CMSS1: variants seen among roughly 807,000 people sequenced by gnomAD.
CMSS1 encodes cms1 ribosomal small subunit homolog, also known as protein CMSS1.
A neutral mutation model predicts 43.5 loss-of-function variants in CMSS1; 33 were observed. That is an observed-to-expected ratio of 0.76 (90% CI 0.57 to 1.01). CMSS1 has a LOEUF of 1.01. Ranked by LOEUF, CMSS1 falls within the 50% of genes least tolerant of loss-of-function variation. CMSS1 has a pLI of 0.00. For missense variants in CMSS1, 313 were observed against 326.4 expected (o/e 0.96, Z 0.32); for synonymous variants, 115 against 117.2 (o/e 0.98, Z 0.12).
chr3:100,117,482 G>A (rs1245254337), intron 1 of CMSS1, among the ~76,000 whole-genome samples: 1 of 151,956 alleles, frequency 6.6e-6, no homozygotes, highest in Non-Finnish European at 1.5e-5. Context: ...CATCATGGTG[G>A]CATCCAGAAG....
chr3:99,942,828 CA>C (rs55862003), intron 1 of CMSS1, among the ~76,000 whole-genome samples: 1,749 of 126,088 alleles, frequency 0.014, 18 homozygotes, highest in African/African-American at 0.031. Flanking sequence ...GACTCTGTCT[CA>C]AAAAAAAAAA....
At chr3:99,964,938 G>C (rs1272565951) in intron 1 of CMSS1, among the ~76,000 whole-genome samples, 1 of 152,144 alleles carries the variant, frequency 6.6e-6, no homozygotes, top group African/African-American at 2.4e-5. Flanking sequence ...TTAAGACTCT[G>C]TATAAAAATT....
At chr3:99,942,434 A>G (rs954107438) in intron 1 of CMSS1, among the ~76,000 whole-genome samples, 4 of 152,242 alleles carry the variant, frequency 2.6e-5, no homozygotes, top group Non-Finnish European at 4.4e-5. Context: ...TAAAGAGAAC[A>G]TGGGTTTTAT....
chr3:99,922,530 A>G (rs942166398), intron 1 of CMSS1, among the ~76,000 whole-genome samples: 5 of 152,218 alleles, frequency 3.3e-5, no homozygotes, highest in Non-Finnish European at 7.3e-5. Context: ...AAAAATGCCT[A>G]CCATAAAGTA....
intron 1 of CMSS1, among the ~76,000 whole-genome samples, chr3:99,945,605 T>C (rs1707985903): frequency 6.6e-6 from 1 of 152,238 alleles, no homozygotes; most frequent in South Asian, 2.1e-4. Context: ...GCAATGATTA[T>C]GAAGCATTTA....
intron 1 of CMSS1, among the ~76,000 whole-genome samples, chr3:100,101,398 T>C (rs1331445798): frequency 6.6e-6 from 1 of 152,118 alleles, no homozygotes; most frequent in Non-Finnish European, 1.5e-5. Flanking sequence ...AGTCCAGCTT[T>C]GCAGGCAGGT....
intron 1 of CMSS1, chr3:99,849,150 T>A: frequency 1.2e-6 from 2 of 1,614,180 alleles, no homozygotes; most frequent in South Asian, 1.1e-5. Context: ...ACAGCACAGA[T>A]CCCTCATCAT....
intron 1 of CMSS1, among the ~76,000 whole-genome samples, chr3:99,873,910 G>A (rs1192272680): frequency 1.3e-5 from 2 of 152,134 alleles, no homozygotes; most frequent in African/African-American, 4.8e-5. Flanking sequence ...AAATTATTAT[G>A]TGCTTTATTT....
intron 1 of CMSS1, among the ~76,000 whole-genome samples, chr3:99,943,565 G>C (rs1303399816): frequency 6.6e-6 from 1 of 152,024 alleles, no homozygotes; most frequent in Non-Finnish European, 1.5e-5. Context: ...TTAGCCGGGC[G>C]TGGTGGCATG....
chr3:99,968,429 GA>G (rs1201793323), intron 1 of CMSS1, among the ~76,000 whole-genome samples: 52 of 148,586 alleles, frequency 3.5e-4, no homozygotes, highest in East Asian at 5.9e-4. Flanking sequence ...GTTTTTGGGG[GA>G]AAAAAAAAAA....
At chr3:99,886,831 A>G (rs1047202400) in intron 1 of CMSS1, among the ~76,000 whole-genome samples, 3 of 152,094 alleles carry the variant, frequency 2.0e-5, no homozygotes, top group Admixed American at 1.3e-4. Flanking sequence ...TTAGCCAGGC[A>G]TGGTGGTGGA....
chr3:100,126,875 A>G (rs1012487416), intron 1 of CMSS1, among the ~76,000 whole-genome samples: 25 of 151,960 alleles, frequency 1.6e-4, no homozygotes, highest in African/African-American at 6.0e-4. Flanking sequence ...GCGGGCGCCT[A>G]TAGTCCCAGC....
rs200706574 is a variant in CMSS1 at position 100,166,419 on chromosome 3, A to G, written c.415+25A>G. The G allele has an allele frequency of 2.4e-5, 34 of 1,409,424 alleles. No individual in the cohort carries two copies. In the East Asian group the frequency reaches 6.8e-4, roughly 28 times the overall value. 87.3% of individuals were successfully genotyped at this position (1,409,424 alleles called of 1,614,324 possible). ...AGTAAGTAAACTCTGATTTTAATCT[A>G]TTTAAACTCATTCTTATTTTGCTCT... On this transcript the variant is annotated intron_variant, in intron 5 of 9. Transcript: ENST00000421999.
intron 1 of CMSS1, among the ~76,000 whole-genome samples, chr3:100,047,571 A>G (rs2065297445): frequency 6.6e-6 from 1 of 152,244 alleles, no homozygotes; most frequent in African/African-American, 2.4e-5. Flanking sequence ...CACTGGTATT[A>G]CCACATGTAA....
Position 100,157,867 on chromosome 3 carries a change from A to G in CMSS1, c.154-2563A>G, listed in dbSNP as rs538004620. Among the ~76,000 whole-genome samples, 3 of 152,250 alleles carry G rather than the reference A, an allele frequency of 2.0e-5. No individual in the cohort carries two copies. In the South Asian group the frequency reaches 6.2e-4, roughly 32 times the overall value. ...TCATTCTAAATATAAACTTTCAGCC[A>G]ATCTCTTCTTTTTTAACCCTTTACT... On this transcript the variant is annotated intron_variant, in intron 2 of 9. Coordinates refer to ENST00000421999, the MANE Select transcript of CMSS1 (RefSeq NM_032359.4).
At chr3:99,863,700 C>T (rs189975643) in intron 1 of CMSS1, among the ~76,000 whole-genome samples, 2 of 152,298 alleles carry the variant, frequency 1.3e-5, no homozygotes, top group Non-Finnish European at 2.9e-5. Flanking sequence ...ATATTTGACA[C>T]ATATTTCAAA....
At chr3:100,144,213 T>C (rs904171499) in intron 1 of CMSS1, among the ~76,000 whole-genome samples, 3 of 152,216 alleles carry the variant, frequency 2.0e-5, no homozygotes, top group Non-Finnish European at 4.4e-5. Context: ...AAGCCCACTT[T>C]GATTTATCTC....
At chr3:99,862,373 A>AGAT (rs1325288360) in intron 1 of CMSS1, among the ~76,000 whole-genome samples, 3 of 152,212 alleles carry the variant, frequency 2.0e-5, no homozygotes, top group Non-Finnish European at 2.9e-5. Context: ...TTGGAATGAA[A>AGAT]GATATGACTA....
intron 1 of CMSS1, among the ~76,000 whole-genome samples, chr3:100,112,139 A>C (rs767691625): frequency 6.6e-6 from 1 of 152,238 alleles, no homozygotes; most frequent in Non-Finnish European, 1.5e-5. Context: ...AAACAAACTT[A>C]CTGTGTATTG....
Sources: gnomAD v4.1 joint callset for allele counts (sites outside exome capture counted in the v4.1 genomes callset) on GRCh38, gnomAD v4.1.1 for gene constraint, MANE v1.5 for transcripts, NCBI Gene and HGNC (gene_info 2026-07-23, HGNC 2026-07-21) for gene names.